SHISA9: variants seen among roughly 807,000 people sequenced by gnomAD.
The protein encoded by SHISA9 is protein shisa-9.
A neutral mutation model predicts 38.0 loss-of-function variants in SHISA9; 13 were observed. The observed-to-expected ratio is 0.34, with a 90% CI of 0.22 to 0.54. The LOEUF (loss-of-function observed/expected upper bound fraction) is 0.54, where lower values mean the gene tolerates loss of function less well. Among genes scored for constraint, SHISA9 ranks in the 20% least tolerant of loss-of-function variants. SHISA9 has a pLI of 0.91. For synonymous variants in SHISA9, 275 were observed against 242.0 expected (o/e 1.14, Z -1.27); for missense variants, 538 against 575.8 (o/e 0.93, Z 0.67).
the SHISA9 span, among the ~76,000 whole-genome samples, chr16:13,402,394 G>A: frequency 2.0e-5 from 3 of 152,154 alleles, no homozygotes; most frequent in Non-Finnish European, 4.4e-5. Context: ...ATGCACAAGG[G>A]TAGGACAAGA....
chr16:13,266,737 CAG>C, the SHISA9 span, among the ~76,000 whole-genome samples: 2 of 151,910 alleles, frequency 1.3e-5, no homozygotes, highest in African/African-American at 4.8e-5. Context: ...GTGGGTGGAA[CAG>C]AGAGAAAAAA....
the SHISA9 span, among the ~76,000 whole-genome samples, chr16:13,500,588 A>C: frequency 2.7e-5 from 4 of 150,904 alleles, no homozygotes; most frequent in Non-Finnish European, 4.4e-5. Flanking sequence ...GAGAGAAGGA[A>C]AAAGACAGAG....
the SHISA9 span, among the ~76,000 whole-genome samples, chr16:13,390,942 T>C: frequency 6.6e-6 from 1 of 152,192 alleles, no homozygotes; most frequent in Non-Finnish European, 1.5e-5. Flanking sequence ...TTCGTAACAC[T>C]TTGGCTGCTG....
rs150805874 is a variant in SHISA9 at position 12,999,098 on chromosome 16, G to A, written c.691+82283G>A. On this transcript the variant is annotated intron_variant, in intron 2 of 4. Transcript: ENST00000558583. ...ATTAACACTGAAATCACAGCCAGTA[G>A]CACTATAACTCATGCCTGGAGAAAG... is the stretch of plus-strand genomic sequence containing the variant. Among the ~76,000 whole-genome samples the A allele has an allele frequency of 1.0e-2, 1,520 of 152,290 alleles. 15 individuals carry two copies. Among genetic ancestry groups the A allele is most frequent in the Non-Finnish European group, 0.016 (1,117 of 68,026 alleles).
chr16:13,339,575 A>C, the SHISA9 span, among the ~76,000 whole-genome samples: 24 of 152,212 alleles, frequency 1.6e-4, no homozygotes, highest in African/African-American at 5.8e-4. Flanking sequence ...AGAATTCATG[A>C]ATTTCAAGCA....
At chr16:13,360,281 C>T in the SHISA9 span, among the ~76,000 whole-genome samples, 11,764 of 152,250 alleles carry the variant, frequency 0.077, 638 homozygotes, top group South Asian at 0.21. Flanking sequence ...GACGGTGTCC[C>T]ACTTCAGTTC....
the SHISA9 span, among the ~76,000 whole-genome samples, chr16:13,560,289 C>G: frequency 6.6e-6 from 1 of 152,188 alleles, no homozygotes; most frequent in Non-Finnish European, 1.5e-5. Context: ...CTGAGATTCA[C>G]TGTAATTAGA....
intron 2 of SHISA9, among the ~76,000 whole-genome samples, chr16:12,990,593 A>G (rs895528030): frequency 1.1e-4 from 17 of 152,188 alleles, no homozygotes; most frequent in African/African-American, 3.9e-4. Context: ...GCGATTCTCA[A>G]TGCAGGTTTT....
chr16:13,203,661 CT>C (rs565620755), intron 3 of SHISA9, 112 bp downstream of exon 3: 233 of 1,153,792 alleles, frequency 2.0e-4, no homozygotes, highest in African/African-American at 5.5e-4. Flanking sequence ...TTCTAGCTCT[CT>C]TTTTTTCTCT....
chr16:13,081,212 GT>G (rs2073645177), intron 2 of SHISA9, among the ~76,000 whole-genome samples: 1 of 152,186 alleles, frequency 6.6e-6, no homozygotes, highest in Non-Finnish European at 1.5e-5. Context: ...TAGAAAATGT[GT>G]TTTCCAAAAC....
chr16:13,411,884 A>G, the SHISA9 span, among the ~76,000 whole-genome samples: 1 of 152,230 alleles, frequency 6.6e-6, no homozygotes, highest in African/African-American at 2.4e-5. Context: ...ATTTACAGGA[A>G]GGATGCTGAA....
At chr16:13,541,336 T>A in the SHISA9 span, among the ~76,000 whole-genome samples, 1 of 152,152 alleles carries the variant, frequency 6.6e-6, no homozygotes, top group Non-Finnish European at 1.5e-5. Context: ...GAACCCAGCC[T>A]AAAGAATTTT....
chr16:13,309,805 AC>A, the SHISA9 span, among the ~76,000 whole-genome samples: 1 of 152,092 alleles, frequency 6.6e-6, no homozygotes, highest in Non-Finnish European at 1.5e-5. Flanking sequence ...ACTAGACCAA[AC>A]CTAAAACAAC....
At chr16:13,005,183 T>A (rs1025545276) in intron 2 of SHISA9, among the ~76,000 whole-genome samples, 1 of 151,934 alleles carries the variant, frequency 6.6e-6, no homozygotes, top group Non-Finnish European at 1.5e-5. Flanking sequence ...CAGTTTGAGG[T>A]ACTGTGAAGT....
intron 1 of SHISA9, among the ~76,000 whole-genome samples, chr16:12,908,235 T>C (rs2071130057): frequency 6.6e-6 from 1 of 152,236 alleles, no homozygotes; most frequent in Non-Finnish European, 1.5e-5. Context: ...ACCCTTGCTC[T>C]GCTATATTTA....
intron 2 of SHISA9, among the ~76,000 whole-genome samples, chr16:13,069,391 ATG>A (rs1391403916): frequency 6.6e-6 from 1 of 151,572 alleles, no homozygotes; most frequent in Non-Finnish European, 1.5e-5. Context: ...TGCAATGTGT[ATG>A]TGTGTACATA....
At chr16:13,321,280 T>G in the SHISA9 span, among the ~76,000 whole-genome samples, 1 of 152,220 alleles carries the variant, frequency 6.6e-6, no homozygotes. Context: ...CCAGTATGAC[T>G]TTCTCTCCAG....
At chr16:13,284,919 A>T in the SHISA9 span, among the ~76,000 whole-genome samples, 2 of 152,022 alleles carry the variant, frequency 1.3e-5, no homozygotes, top group Non-Finnish European at 2.9e-5. Context: ...TCTTTGGAAC[A>T]TTTGCTAAAC....
intron 2 of SHISA9, among the ~76,000 whole-genome samples, chr16:13,136,048 C>T (rs941301406): frequency 1.1e-4 from 16 of 152,102 alleles, no homozygotes; most frequent in African/African-American, 2.7e-4. Flanking sequence ...AGAATATCCA[C>T]GCTGAAGCAT....
Sources: gnomAD v4.1 joint callset for allele counts (sites outside exome capture counted in the v4.1 genomes callset) on GRCh38, gnomAD v4.1.1 for gene constraint, MANE v1.5 for transcripts, NCBI Gene and HGNC (gene_info 2026-07-23, HGNC 2026-07-21) for gene names.